TAFA4: variants seen among roughly 807,000 people sequenced by gnomAD.
TAFA4 encodes TAFA chemokine like family member 4.
Under a neutral mutation model 21.1 loss-of-function variants are expected in TAFA4, and 20 were observed. That is an observed-to-expected ratio of 0.95 (90% CI 0.67 to 1.38). The LOEUF is 1.38. TAFA4 is among the 40% of genes most tolerant of loss of function. TAFA4 has a pLI of 0.00. For missense variants in TAFA4, 211 were observed against 180.9 expected, an observed-to-expected ratio of 1.17 and a Z score of -0.95; for synonymous variants, 71 against 67.4, an observed-to-expected ratio of 1.05 and a Z score of -0.26.
chr3:68,878,343 C>G (rs34554146), intron 3 of TAFA4, among the ~76,000 whole-genome samples: 3,737 of 152,200 alleles, frequency 0.025, 112 homozygotes, highest in East Asian at 0.12. Flanking sequence ...TTGAAGTCTC[C>G]TAGTATTCAC....
intron 3 of TAFA4, among the ~76,000 whole-genome samples, chr3:68,777,776 A>T (rs1703075033): frequency 6.6e-6 from 1 of 152,180 alleles, no homozygotes; most frequent in Non-Finnish European, 1.5e-5. Context: ...GTATGAGGTT[A>T]TAATACTGTA....
chr3:68,781,604 A>G (rs1221182313), intron 3 of TAFA4, among the ~76,000 whole-genome samples: 2 of 152,102 alleles, frequency 1.3e-5, no homozygotes, highest in African/African-American at 2.4e-5. Context: ...ATATCAAATA[A>G]ATTAAAATTA....
rs1190778306 is a variant in TAFA4, at chr3:68,779,522, G to A, written c.131-26504C>T. The stretch of plus-strand genomic sequence containing the variant: ...GGTCCCTCTGCTGTGTGCATCTAGG[G>A]ACTTAGTGCCCTGCATCCTAACTGC... On this transcript the variant is annotated intron_variant, in intron 3 of 5. Coordinates refer to ENST00000295569, the MANE Select transcript of TAFA4 (RefSeq NM_182522.5). 2.0e-5 allele frequency among the ~76,000 whole-genome samples: 3 copies of A among 152,116 alleles called. No homozygotes were observed. The East Asian group carries it at 5.8e-4, about 29-fold the overall frequency.
intron 3 of TAFA4, among the ~76,000 whole-genome samples, chr3:68,792,635 T>C (rs924423515): frequency 1.3e-5 from 2 of 152,194 alleles, no homozygotes; most frequent in African/African-American, 4.8e-5. Context: ...ACAGATTGAT[T>C]TATTCTATCT....
chr3:68,820,648 A>G (rs1704093310), intron 3 of TAFA4, among the ~76,000 whole-genome samples: 1 of 152,220 alleles, frequency 6.6e-6, no homozygotes, highest in Admixed American at 6.5e-5. Flanking sequence ...GCTGGGCAGC[A>G]GAACAAGACC....
At position 68,917,548 on chromosome 3, in the gene TAFA4, C is replaced by T. The variant is rs149843578; in HGVS notation, c.-123+14692G>A. Among the ~76,000 whole-genome samples the T allele has an allele frequency of 6.1e-3, 930 of 151,802 alleles. 11 individuals are homozygous for T. Among genetic ancestry groups the T allele is most frequent in the African/African-American group, 0.021 (882 of 41,424 alleles). On this transcript the variant is annotated intron_variant, in intron 1 of 5. Coordinates refer to ENST00000295569, the MANE Select transcript of TAFA4 (RefSeq NM_182522.5). Reference sequence around the variant, plus strand: ...GGCAGGCAGATCACGAGGTCAGGAGCTCGAGACCAGCCTGACCAATATGGT... The same window carrying T: ...GGCAGGCAGATCACGAGGTCAGGAGTTCGAGACCAGCCTGACCAATATGGT...
intron 3 of TAFA4, among the ~76,000 whole-genome samples, chr3:68,827,344 A>G (rs1362957793): frequency 3.3e-5 from 5 of 152,186 alleles, no homozygotes; most frequent in Non-Finnish European, 7.4e-5. Flanking sequence ...CACAAGAAAC[A>G]TATGTGTGCA....
chr3:68,883,742 C>T (rs370874614), intron 2 of TAFA4, among the ~76,000 whole-genome samples: 55 of 152,164 alleles, frequency 3.6e-4, no homozygotes, highest in African/African-American at 1.2e-3. Flanking sequence ...TAACCAGCAA[C>T]GTATGGGACT....
chr3:68,782,238 T>A (rs1026227435), intron 3 of TAFA4, among the ~76,000 whole-genome samples: 9 of 152,134 alleles, frequency 5.9e-5, no homozygotes, highest in Non-Finnish European at 1.3e-4. Context: ...GAGAAGCATA[T>A]GAAAAGATGC....
At chr3:68,740,893 T>C (rs561997412) in intron 4 of TAFA4, among the ~76,000 whole-genome samples, 1 of 152,318 alleles carries the variant, frequency 6.6e-6, no homozygotes, top group African/African-American at 2.4e-5. Flanking sequence ...CACCCTTTAT[T>C]GAAGAGACTA....
intron 3 of TAFA4, among the ~76,000 whole-genome samples, chr3:68,787,960 A>T (rs1307704526): frequency 6.6e-6 from 1 of 152,176 alleles, no homozygotes; most frequent in Non-Finnish European, 1.5e-5. Flanking sequence ...TAACTCAATC[A>T]TCTCTCTCCA....
chr3:68,908,501 T>TA (rs2089925566), intron 1 of TAFA4, among the ~76,000 whole-genome samples: 2 of 135,032 alleles, frequency 1.5e-5, no homozygotes, highest in South Asian at 5.4e-4. Context: ...ACAGCCACTC[T>TA]AAAAAATCAG....
chr3:68,738,936 G>T, intron 5 of TAFA4, 139 bp downstream of exon 5: 2 of 1,213,290 alleles, frequency 1.6e-6, no homozygotes, highest in Non-Finnish European at 2.2e-6. Flanking sequence ...TTTCAAAAAG[G>T]CCAAATCCGT....
intron 5 of TAFA4, among the ~76,000 whole-genome samples, chr3:68,736,422 T>C (rs1411695044): frequency 1.3e-5 from 2 of 152,184 alleles, no homozygotes; most frequent in Admixed American, 6.6e-5. Context: ...TTATCCTCTC[T>C]CTTTTCATAT....
chr3:68,733,924 T>G (rs1191600316), intron 5 of TAFA4, among the ~76,000 whole-genome samples: 1 of 152,132 alleles, frequency 6.6e-6, no homozygotes, highest in African/African-American at 2.4e-5. Context: ...CCCCTTTTGT[T>G]TGTGCTGGGT....
At chr3:68,888,094 C>A (rs1247905750) in intron 1 of TAFA4, among the ~76,000 whole-genome samples, 1 of 152,038 alleles carries the variant, frequency 6.6e-6, no homozygotes, top group Non-Finnish European at 1.5e-5. Context: ...CCATGCAGCA[C>A]CTTGAACACT....
chr3:68,852,723 C>A (rs1041142379), intron 3 of TAFA4, among the ~76,000 whole-genome samples: 2 of 152,154 alleles, frequency 1.3e-5, no homozygotes, highest in African/African-American at 4.8e-5. Context: ...AGCCTTAAAT[C>A]CTTAGTCATT....
intron 3 of TAFA4, among the ~76,000 whole-genome samples, chr3:68,814,303 G>C (rs1011481399): frequency 2.6e-5 from 4 of 152,192 alleles, no homozygotes; most frequent in African/African-American, 9.7e-5. Context: ...CATAGTGTTG[G>C]AAGTTCTGGC....
intron 3 of TAFA4, among the ~76,000 whole-genome samples, chr3:68,775,216 CTT>C (rs1001707773): frequency 5.3e-5 from 8 of 152,186 alleles, no homozygotes; most frequent in African/African-American, 1.9e-4. Flanking sequence ...TGTACTCACT[CTT>C]TTCCAATTTC....
Sources: gnomAD v4.1 joint callset for allele counts (sites outside exome capture counted in the v4.1 genomes callset) on GRCh38, gnomAD v4.1.1 for gene constraint, MANE v1.5 for transcripts, NCBI Gene and HGNC (gene_info 2026-07-23, HGNC 2026-07-21) for gene names.